AGO2: variants seen among roughly 807,000 people sequenced by gnomAD.
AGO2 encodes protein argonaute-2.
AGO2 carries 5 observed loss-of-function variants against 102.3 expected under a neutral mutation model. That is an observed-to-expected ratio of 0.05 (90% CI 0.03 to 0.10). The LOEUF is 0.10. Among genes scored for constraint, AGO2 ranks in the 10% least tolerant of loss-of-function variants. AGO2 has a pLI of 1.00. For missense variants in AGO2, 541 were observed against 1,183.7 expected (o/e 0.46, Z 7.97); for synonymous variants, 449 against 473.1 (o/e 0.95, Z 0.66).
At chr8:140,584,808 G>A (rs2073626010) in intron 2 of AGO2, among the ~76,000 whole-genome samples, 1 of 152,098 alleles carries the variant, frequency 6.6e-6, no homozygotes, top group Non-Finnish European at 1.5e-5. Context: ...CCGGAAGAGG[G>A]TATGAGGCAA....
chr8:140,569,885 T>A (rs2073350123), intron 3 of AGO2, among the ~76,000 whole-genome samples: 2 of 152,300 alleles, frequency 1.3e-5, no homozygotes, highest in South Asian at 4.1e-4. Context: ...GGGCCCCCTG[T>A]GCAGAGGCCT....
intron 11 of AGO2, among the ~76,000 whole-genome samples, 157 bp from the exon 12 acceptor site, chr8:140,549,455 A>C (rs538486081): frequency 1.3e-5 from 2 of 152,400 alleles, no homozygotes; most frequent in East Asian, 3.9e-4. Context: ...GCCAGAATTC[A>C]GAGCTACATC....
At chr8:140,635,177 C>G (rs1194295403) in intron 1 of AGO2, among the ~76,000 whole-genome samples, 1 of 146,282 alleles carries the variant, frequency 6.8e-6, no homozygotes, top group Non-Finnish European at 1.5e-5. Flanking sequence ...GCGGGGGATG[C>G]GAGGACGCTG....
chr8:140,589,781 C>T lies in AGO2; in HGVS notation c.23-4470G>A, dbSNP rs983307421. 7.2e-5 allele frequency among the ~76,000 whole-genome samples: 11 copies of T among 152,144 alleles called. No homozygotes were observed. Among genetic ancestry groups the T allele is most frequent in the Non-Finnish European group, 1.0e-4 (7 of 68,014 alleles). On this transcript the variant is annotated intron_variant, in intron 1 of 18. Transcript: ENST00000220592. The surrounding 1 kb of genome is among the most constrained non-coding windows in gnomAD (Gnocchi z 4.2). The stretch of plus-strand genomic sequence containing the variant: ...GGCCAGGCAATGGCACAGCAGCCAC[C>T]GAGATCCGTGCCATCAGCACGAGCC...
At chr8:140,591,835 T>C (rs2073751113) in intron 1 of AGO2, 1 of 152,160 alleles carries the variant, frequency 6.6e-6, no homozygotes, top group African/African-American at 2.4e-5. Flanking sequence ...AATACTGTAA[T>C]AAGGCCAGGC....
At position 140,524,892 on chromosome 8, in the gene AGO2, C is replaced by T. The variant is rs911865552; in HGVS notation, c.*7152G>A. ...ACTCATTTTAAGGACCTTGGAGCTA[C>T]AGAAAGAACTGAATAAGAATGGCCC... On this transcript the variant is annotated 3_prime_UTR_variant, in exon 19 of 19. Coordinates refer to ENST00000220592, the MANE Select transcript of AGO2 (RefSeq NM_012154.5). The T allele has an allele frequency of 1.3e-5, 2 of 152,262 alleles. No homozygotes were observed. Among genetic ancestry groups the T allele is most frequent in the African/African-American group, 4.8e-5 (2 of 41,452 alleles). 9.4% of individuals were successfully genotyped at this position (152,262 alleles called of 1,614,324 possible). A position where few individuals can be genotyped will look rare whatever the true frequency, so the allele number is the denominator to read the frequency against.
chr8:140,543,038 G>A (rs1448351246), intron 14 of AGO2, among the ~76,000 whole-genome samples: 2 of 152,212 alleles, frequency 1.3e-5, no homozygotes, highest in African/African-American at 4.8e-5. Context: ...TCGGGAGGCT[G>A]AGGTGGGAGA....
chr8:140,620,186 G>C (rs2074201204), intron 1 of AGO2, among the ~76,000 whole-genome samples: 1 of 152,206 alleles, frequency 6.6e-6, no homozygotes, highest in Admixed American at 6.5e-5. Context: ...CCATGTGGGA[G>C]CCTGGGTGGG....
chr8:140,637,499 C>A (rs1340194673), upstream of AGO2: 1 of 152,268 alleles, frequency 6.6e-6, no homozygotes, highest in Non-Finnish European at 1.5e-5. Flanking sequence ...AAGATAATGT[C>A]TCTGAGGGCT....
Position 140,530,706 on chromosome 8 carries a change from A to C in AGO2, c.*1338T>G, listed in dbSNP as rs2072578693. 1.3e-5 allele frequency: 2 copies of C among 152,324 alleles called. No homozygotes were observed. The highest frequency in any genetic ancestry group is 4.8e-5 in the African/African-American group (2 of 41,472). 9.4% of individuals were successfully genotyped at this position (152,324 alleles called of 1,614,324 possible). A position where few individuals can be genotyped will look rare whatever the true frequency, so the allele number is the denominator to read the frequency against. The stretch of plus-strand genomic sequence containing the variant: ...TCCTTGGGCCTCCCAGGGCCAGGCA[A>C]GCTCCTTCGCTGTGACCGACGGCCT... On this transcript the variant is annotated 3_prime_UTR_variant, in exon 19 of 19. Coordinates refer to ENST00000220592, the MANE Select transcript of AGO2 (RefSeq NM_012154.5).
At chr8:140,554,386 G>A (rs555030543) in intron 10 of AGO2, among the ~76,000 whole-genome samples, 3 of 152,140 alleles carry the variant, frequency 2.0e-5, no homozygotes, top group Non-Finnish European at 4.4e-5. Flanking sequence ...ACCCCCCCAC[G>A]TGATGGGGTG....
intron 1 of AGO2, among the ~76,000 whole-genome samples, chr8:140,629,927 G>A (rs1298104172): frequency 1.1e-4 from 17 of 150,168 alleles, no homozygotes; most frequent in African/African-American, 2.9e-4. Context: ...GGAGGGGAGC[G>A]GAGGGGAGAG....
chr8:140,581,185 T>C (rs1187197369), intron 2 of AGO2, among the ~76,000 whole-genome samples: 1 of 152,220 alleles, frequency 6.6e-6, no homozygotes, highest in Non-Finnish European at 1.5e-5. Context: ...AGCAGACTGC[T>C]TGAGGCCAGG....
At chr8:140,609,501 G>A (rs951312721) in intron 1 of AGO2, among the ~76,000 whole-genome samples, 2 of 152,206 alleles carry the variant, frequency 1.3e-5, no homozygotes, top group Admixed American at 6.5e-5. Context: ...CACTGCTCCC[G>A]CACCGGCCTC....
intron 1 of AGO2, among the ~76,000 whole-genome samples, chr8:140,631,547 A>G (rs991867499): frequency 1.3e-5 from 2 of 152,130 alleles, no homozygotes; most frequent in African/African-American, 2.4e-5. Flanking sequence ...AAAAAAAAAA[A>G]AAAGAAAAAA....
Position 140,589,391 on chromosome 8 carries a change from G to A in AGO2, c.23-4080C>T, listed in dbSNP as rs919745803. ...GCCCGGGTCAGCACCCATAGGCTGC[G>A]CAGCTGCCACCTGAGCTTGGGTGGC... On this transcript the variant is annotated intron_variant, in intron 1 of 18. Coordinates refer to ENST00000220592, the MANE Select transcript of AGO2 (RefSeq NM_012154.5). The surrounding 1 kb of genome is among the most constrained non-coding windows in gnomAD (Gnocchi z 4.2). Among the ~76,000 whole-genome samples the A allele has an allele frequency of 6.6e-6, 1 of 151,888 alleles. No individual in the cohort carries two copies. The highest frequency in any genetic ancestry group is 1.5e-5 in the Non-Finnish European group (1 of 67,936).
In AGO2 at chr8:140,555,962, G is replaced by A; in HGVS notation, c.1203C>T (p.Val401=). The change falls in exon 10 of 19, where the codon GTC becomes GTT. Residue 401 remains valine (V), a synonymous_variant. Coordinates refer to ENST00000220592, the MANE Select transcript of AGO2 (RefSeq NM_012154.5). The part of the protein sequence containing the change: ...DPYVREFGIM[V]KDEMTDVTGR... ...CAGTCACGTCTGTCATCTCATCTTT[G>A]ACCATGATTCCAAATTCACGGACGT... is the stretch of plus-strand genomic sequence containing the variant. 6.2e-7 allele frequency: 1 copy of A among 1,614,128 alleles called. No individual in the cohort carries two copies. Among genetic ancestry groups the A allele is most frequent in the Non-Finnish European group, 8.5e-7 (1 of 1,180,036 alleles).
chr8:140,558,047 C>T (rs529970123), intron 7 of AGO2, among the ~76,000 whole-genome samples: 2 of 152,334 alleles, frequency 1.3e-5, no homozygotes, highest in Non-Finnish European at 2.9e-5. Context: ...AACACCAGTA[C>T]AACCCAGGAC....
intron 7 of AGO2, among the ~76,000 whole-genome samples, chr8:140,558,171 C>T (rs1046892250): frequency 8.5e-5 from 13 of 152,286 alleles, no homozygotes; most frequent in Admixed American, 3.9e-4. Context: ...GCCACAGACC[C>T]GCCACCTCCA....
Sources: allele counts gnomAD v4.1 joint callset (sites outside exome capture counted in the v4.1 genomes callset), GRCh38; gene constraint gnomAD v4.1.1; non-coding constraint Gnocchi (gnomAD v3.1); transcripts MANE v1.5; gene names NCBI Gene and HGNC (gene_info 2026-07-23, HGNC 2026-07-21).